Variants in ITGB7 observed in about 807,000 individuals in gnomAD.
ITGB7 encodes integrin subunit beta 7, also known as integrin beta-7.
A neutral mutation model predicts 83.4 loss-of-function variants in ITGB7; 55 were observed. That is an observed-to-expected ratio of 0.66 (90% CI 0.53 to 0.83). The LOEUF (loss-of-function observed/expected upper bound fraction) is 0.83, where lower values mean the gene tolerates loss of function less well. ITGB7 is among the 40% of genes least tolerant of loss of function. The probability of loss-of-function intolerance (pLI) is 0.00; values close to 1 mark genes in which losing one functional copy is unlikely to be tolerated. For synonymous variants in ITGB7, 454 were observed against 423.6 expected (o/e 1.07, Z -0.88); for missense variants, 921 against 1,046.7 (o/e 0.88, Z 1.66).
intron 2 of ITGB7, 69 bp from the exon 3 acceptor site, chr12:53,200,515 C>T (rs778091225): frequency 1.9e-5 from 26 of 1,354,852 alleles, no homozygotes; most frequent in Non-Finnish European, 2.7e-5. Flanking sequence ...GTCCTCTAAA[C>T]TTAGCTTGTG....
chr12:53,191,542 T>C lies in ITGB7; in HGVS notation c.*14A>G, dbSNP rs953152284. 6 of 1,595,254 alleles carry C rather than the reference T, an allele frequency of 3.8e-6. No individual in the cohort carries two copies. The African/African-American group carries it at 8.1e-5, about 21-fold the overall frequency. On this transcript the variant is annotated 3_prime_UTR_variant, in exon 16 of 16. Coordinates refer to ENST00000267082, the MANE Select transcript of ITGB7 (RefSeq NM_000889.3). ...TCCAAGGAGAAGAGCCTTGGGTAAG[T>C]GTCCCTCCCTCCTTCAGAGAGTGGG... is the stretch of plus-strand genomic sequence containing the variant.
intron 14 of ITGB7, 141 bp downstream of exon 14, chr12:53,192,189 C>G (rs559562943): frequency 8.4e-7 from 1 of 1,189,350 alleles, no homozygotes; most frequent in Non-Finnish European, 1.2e-6. Flanking sequence ...CGTCCACTTG[C>G]TCAATTGCCT....
chr12:53,205,939 T>C (rs1046847218), intron 1 of ITGB7, among the ~76,000 whole-genome samples: 2 of 152,122 alleles, frequency 1.3e-5, no homozygotes, highest in Admixed American at 6.5e-5. Flanking sequence ...CAGCCCTGCT[T>C]GCTCTGCATG....
At chr12:53,197,975 C>T in intron 3 of ITGB7, 24 bp from the exon 4 acceptor site, 1 of 1,524,458 alleles carries the variant, frequency 6.6e-7, no homozygotes, top group Non-Finnish European at 8.8e-7. Context: ...AAAGGCGCGT[C>T]GGGACCCGGT....
rs374892274 is a variant in ITGB7 at position 53,195,641 on chromosome 12, T to C, written c.1056A>G (p.Ala352=). 8.2e-4 allele frequency: 1,326 copies of C among 1,613,928 alleles called. 28 individuals are homozygous for C. In the South Asian group the frequency reaches 0.011, roughly 14 times the overall value. Residue 352 remains alanine (A), a synonymous_variant, in exon 8 of 16, where the codon GCA becomes GCG. Transcript: ENST00000267082. ...IQPIFAVTSA[A]LPVYQELSKL... ...CAGCTCTCACCTGGTAGACAGGCAG[T>C]GCGGCACTGGTGACAGCAAAGATGG...
Position 53,193,749 on chromosome 12 carries a change from G to A in ITGB7, c.1461C>T (p.His487=), listed in dbSNP as rs780060341. The change falls in exon 11 of 16, where the codon CAC becomes CAT. Residue 487 remains histidine (H), a synonymous_variant. Coordinates refer to ENST00000267082, the MANE Select transcript of ITGB7 (RefSeq NM_000889.3). ...GTAGGTGTCCCTGGCCATCACTGCA[G>A]TGGGGAGCCTGGGGCTGGGTGTCAC... is the stretch of plus-strand genomic sequence containing the variant. ...NCSDTQPQAP[H]CSDGQGHLQC... is the part of the protein sequence containing the mutation. 44 of 1,613,966 alleles carry A rather than the reference G, an allele frequency of 2.7e-5. No homozygotes were observed. Among genetic ancestry groups the A allele is most frequent in the Non-Finnish European group, 3.7e-5 (44 of 1,179,996 alleles).
chr12:53,193,846 A>G lies in ITGB7; in HGVS notation c.1364T>C (p.Leu455Pro). 4.3e-6 allele frequency: 7 copies of G among 1,614,116 alleles called. No individual in the cohort carries two copies. Among genetic ancestry groups the G allele is most frequent in the Non-Finnish European group, 5.9e-6 (7 of 1,180,002 alleles). The part of the protein sequence containing the change: ...ATHCLPEPHL[L>P]RLRALGFSEE... ...TGAGAAGCCAAGGGCCCGGAGCCTC[A>G]GGAGATGGGGCTCTGGGAGGCAGTG... The change falls in exon 11 of 16, where the codon CTG becomes CCG. Residue 455 changes from leucine (L) to proline (P), a missense_variant. Leu to Pro is a moderately conservative substitution (Grantham distance 98). Transcript: ENST00000267082.
At chr12:53,196,232 C>G in intron 6 of ITGB7, 33 bp from the exon 7 acceptor site, 4 of 1,607,720 alleles carry the variant, frequency 2.5e-6, no homozygotes, top group Non-Finnish European at 2.6e-6. Flanking sequence ...GGCTATGCAC[C>G]TGGGCATGGC....
intron 1 of ITGB7, among the ~76,000 whole-genome samples, chr12:53,203,500 TAACTG>T (rs978852651): frequency 2.7e-5 from 4 of 150,518 alleles, no homozygotes; most frequent in Non-Finnish European, 5.9e-5. Flanking sequence ...ATACAAAACT[TAACTG>T]GGCATGGTGG....
At position 53,195,616 on chromosome 12, in the gene ITGB7, C is replaced by T. The variant is rs748055762; in HGVS notation, c.1071+10G>A. On this transcript the variant is annotated intron_variant, in intron 8 of 15. Transcript: ENST00000267082. ...GGGGCTGGGGGATCTGACATGTAGA[C>T]AGCTCTCACCTGGTAGACAGGCAGT... is the stretch of plus-strand genomic sequence containing the variant. 1 of 1,609,520 alleles carries T rather than the reference C, an allele frequency of 6.2e-7. No individual in the cohort carries two copies. Among genetic ancestry groups the T allele is most frequent in the South Asian group, 1.1e-5 (1 of 90,998 alleles).
intron 6 of ITGB7, 174 bp from the exon 7 acceptor site, chr12:53,196,373 G>T: frequency 1.0e-6 from 1 of 975,594 alleles, no homozygotes; most frequent in Non-Finnish European, 1.5e-6. Context: ...GAAGGCTGCT[G>T]CTAGTGGAGG....
intron 3 of ITGB7, among the ~76,000 whole-genome samples, chr12:53,198,872 G>C (rs1308291088): frequency 6.6e-6 from 1 of 152,206 alleles, no homozygotes; most frequent in African/African-American, 2.4e-5. Flanking sequence ...GGGACTGGTT[G>C]GGAAGCCACA....
At chr12:53,203,071 CAG>C (rs1303593471) in intron 1 of ITGB7, among the ~76,000 whole-genome samples, 17 of 152,236 alleles carry the variant, frequency 1.1e-4, no homozygotes, top group African/African-American at 4.1e-4. Context: ...AAAGGAAAAA[CAG>C]ATACATTGGA....
chr12:53,198,188 G>A (rs779531489), intron 3 of ITGB7, among the ~76,000 whole-genome samples: 1 of 152,104 alleles, frequency 6.6e-6, no homozygotes, highest in Non-Finnish European at 1.5e-5. Flanking sequence ...GGAGTGCTGC[G>A]GTGCTATCTC....
intron 13 of ITGB7, 27 bp downstream of exon 13, chr12:53,192,664 C>G (rs1475775552): frequency 6.2e-7 from 1 of 1,607,692 alleles, no homozygotes; most frequent in Non-Finnish European, 8.5e-7. Flanking sequence ...TGCCCCTGCT[C>G]CCAAGATGCA....
At chr12:53,196,861 G>A (rs781189398) in intron 5 of ITGB7, 41 bp from the exon 6 acceptor site, 1 of 1,565,620 alleles carries the variant, frequency 6.4e-7, no homozygotes, top group African/African-American at 1.3e-5. Context: ...AGAAGTCGCA[G>A]GGCAGCAACA....
At position 53,200,415 on chromosome 12, in the gene ITGB7, A is replaced by G. The variant is rs371842556; in HGVS notation, c.29T>C (p.Leu10Ser). ...CTCACCTCTGCTCAGGACCAGCAGCAAAACAAGGACCATTGGCAAAGCCAC... is the reference window on the plus strand; with the variant it reads ...CTCACCTCTGCTCAGGACCAGCAGCGAAACAAGGACCATTGGCAAAGCCAC... MVALPMVLV[L>S]LLVLSRGESE... Residue 10 changes from leucine to serine, a missense_variant, in exon 3 of 16, where the codon TTG becomes TCG. Physicochemically the swap from Leu to Ser is moderately radical, Grantham distance 145. Coordinates refer to ENST00000267082, the MANE Select transcript of ITGB7 (RefSeq NM_000889.3). 8 of 1,614,090 alleles carry G rather than the reference A, an allele frequency of 5.0e-6. No individual in the cohort carries two copies. Among genetic ancestry groups the G allele is most frequent in the Non-Finnish European group, 6.8e-6 (8 of 1,180,058 alleles).
Position 53,197,526 on chromosome 12 carries a change from G to A in ITGB7, c.541C>T (p.Arg181Trp), listed in dbSNP as rs1942206465. 1 of 1,614,156 alleles carries A rather than the reference G, an allele frequency of 6.2e-7. No individual in the cohort carries two copies. The highest frequency in any genetic ancestry group is 1.7e-5 in the Admixed American group (1 of 60,032). ...ACAGAATGGGTGACTTCCTGCAGCCGGACCAGCAGAGCGTGCCCGAGCTGG... is the reference window on the plus strand; with the variant it reads ...ACAGAATGGGTGACTTCCTGCAGCCAGACCAGCAGAGCGTGCCCGAGCTGG... ...VRQLGHALLV[R>W]LQEVTHSVRI... Residue 181 changes from arginine to tryptophan, a missense_variant, in exon 5 of 16, where the codon CGG becomes TGG. Coordinates refer to ENST00000267082, the MANE Select transcript of ITGB7 (RefSeq NM_000889.3).
chr12:53,200,158 T>G (rs535112539), intron 3 of ITGB7, 85 bp downstream of exon 3: 4 of 1,189,696 alleles, frequency 3.4e-6, no homozygotes, highest in Non-Finnish European at 4.9e-6. Context: ...GCCCACACAA[T>G]CACACACATA....
Sources: allele counts gnomAD v4.1 joint callset (sites outside exome capture counted in the v4.1 genomes callset), GRCh38; gene constraint gnomAD v4.1.1; transcripts MANE v1.5; gene names NCBI Gene and HGNC (gene_info 2026-07-23, HGNC 2026-07-21).